Variants in OXR1 observed in about 807,000 individuals in gnomAD.
OXR1 encodes the protein oxidation resistance 1.
Under a neutral mutation model 104.6 loss-of-function variants are expected in OXR1, and 41 were observed. That is an observed-to-expected ratio of 0.39 (90% confidence interval 0.31 to 0.51). OXR1 has a LOEUF of 0.51. OXR1 is among the 20% of genes least tolerant of loss of function. The pLI is 0.77. For missense variants in OXR1, 955 were observed against 1,031.9 expected (o/e 0.93, Z 1.02); for synonymous variants, 348 against 348.4 (o/e 1.00, Z 0.01).
chr8:106,667,410 A>G lies in OXR1; in HGVS notation c.221-11800A>G, dbSNP rs183340942. Among the ~76,000 whole-genome samples, 496 of 152,272 alleles carry G rather than the reference A, an allele frequency of 3.3e-3. 14 individuals carry two copies. The highest frequency in any genetic ancestry group is 5.8e-3 in the East Asian group (30 of 5,190). On this transcript the variant is annotated intron_variant, in intron 3 of 16. Coordinates refer to ENST00000517566, the MANE Select transcript of OXR1 (RefSeq NM_001198533.2). ...TTACAAGTACTTGGGGCATGCACCT[A>G]TTTTATGATGCAAGTTAATAAAAGA...
chr8:106,588,649 A>G (rs555764331), intron 3 of OXR1, among the ~76,000 whole-genome samples: 4 of 151,564 alleles, frequency 2.6e-5, no homozygotes, highest in Non-Finnish European at 4.4e-5. Flanking sequence ...TGCCTGGCTA[A>G]TTTTTGTATT....
At chr8:106,483,776 G>C (rs1319602472) in intron 2 of OXR1, among the ~76,000 whole-genome samples, 1 of 151,982 alleles carries the variant, frequency 6.6e-6, no homozygotes, top group Non-Finnish European at 1.5e-5. Context: ...CAGATTCTGA[G>C]AAATAGTGAT....
intron 3 of OXR1, among the ~76,000 whole-genome samples, chr8:106,586,705 G>T (rs538908197): frequency 6.6e-6 from 1 of 152,264 alleles, no homozygotes; most frequent in East Asian, 1.9e-4. Context: ...AAGTAGACCT[G>T]GAAAAGAGAC....
intron 2 of OXR1, among the ~76,000 whole-genome samples, chr8:106,482,282 C>G (rs1308579380): frequency 1.3e-5 from 2 of 151,886 alleles, no homozygotes; most frequent in African/African-American, 4.8e-5. Context: ...CCCAGATTAT[C>G]TGGCAGAAAA....
chr8:106,304,290 T>C (rs1347862705), intron 1 of OXR1, among the ~76,000 whole-genome samples: 1 of 152,222 alleles, frequency 6.6e-6, no homozygotes, highest in East Asian at 1.9e-4. Flanking sequence ...AATTTGATCA[T>C]TTCTTCTGTC....
At chr8:106,415,871 A>G (rs1440610178) in intron 2 of OXR1, among the ~76,000 whole-genome samples, 1 of 152,124 alleles carries the variant, frequency 6.6e-6, no homozygotes. Flanking sequence ...GATGCATAGC[A>G]TGGCATCTTG....
intron 2 of OXR1, among the ~76,000 whole-genome samples, chr8:106,410,567 A>T (rs1348532739): frequency 6.6e-6 from 1 of 152,170 alleles, no homozygotes; most frequent in African/African-American, 2.4e-5. Flanking sequence ...TTTCAAGGTA[A>T]TTCCTGAAAA....
intron 3 of OXR1, among the ~76,000 whole-genome samples, chr8:106,649,995 CA>C (rs1204709549): frequency 6.6e-6 from 1 of 152,026 alleles, no homozygotes; most frequent in Non-Finnish European, 1.5e-5. Flanking sequence ...CGCACCTGGC[CA>C]AAAATATTTT....
chr8:106,556,160 G>T lies in OXR1; in HGVS notation c.220+37021G>T, dbSNP rs563796218. Among the ~76,000 whole-genome samples the T allele has an allele frequency of 1.3e-4, 20 of 151,976 alleles. No individual in the cohort carries two copies. In the South Asian group the frequency reaches 4.2e-3, roughly 32 times the overall value. On this transcript the variant is annotated intron_variant, in intron 3 of 16. Coordinates refer to ENST00000517566, the MANE Select transcript of OXR1 (RefSeq NM_001198533.2). ...GGGCCTGGGGTAGCCAAAATGAGGA[G>T]CAACTGCTTAATGGATATGATACTT...
chr8:106,300,144 A>G (rs1813168757), intron 1 of OXR1, among the ~76,000 whole-genome samples: 1 of 152,170 alleles, frequency 6.6e-6, no homozygotes, highest in African/African-American at 2.4e-5. Context: ...GAAATTGGAG[A>G]TATTTGAAAC....
chr8:106,632,606 C>T (rs912528228), intron 3 of OXR1, among the ~76,000 whole-genome samples: 1 of 152,098 alleles, frequency 6.6e-6, no homozygotes, highest in African/African-American at 2.4e-5. Context: ...ACTTTATATA[C>T]CTCTTTTTTT....
chr8:106,447,131 A>G (rs1463455645), intron 2 of OXR1, among the ~76,000 whole-genome samples: 1 of 152,206 alleles, frequency 6.6e-6, no homozygotes, highest in Non-Finnish European at 1.5e-5. Context: ...GTGTATCATC[A>G]TACATATCTC....
At chr8:106,642,201 A>G (rs1314943775) in intron 3 of OXR1, among the ~76,000 whole-genome samples, 1 of 152,224 alleles carries the variant, frequency 6.6e-6, no homozygotes, top group Non-Finnish European at 1.5e-5. Context: ...CATCTACTTT[A>G]CATGAATTGA....
chr8:106,683,176 AATTT>A lies in OXR1; in HGVS notation c.304-18_304-15del. On this transcript the variant is annotated intron_variant, in intron 4 of 16. Coordinates refer to ENST00000517566, the MANE Select transcript of OXR1 (RefSeq NM_001198533.2). ...GTTTTTCTGTTTTAAACATTGAAATAATTTATTTTTTCTTTTAAACAGGTTGAAT... is the reference window on the plus strand; with the variant it reads ...GTTTTTCTGTTTTAAACATTGAAATAATTTTTTCTTTTAAACAGGTTGAAT... The A allele has an allele frequency of 8.4e-7, 1 of 1,184,418 alleles. No homozygotes were observed. Among genetic ancestry groups the A allele is most frequent in the African/African-American group, 1.5e-5 (1 of 65,910 alleles). The allele number at this position is 1,184,418 out of a possible 1,614,324, so 73.4% of individuals were successfully genotyped here.
chr8:106,540,889 A>G (rs997641297), intron 3 of OXR1, among the ~76,000 whole-genome samples: 4 of 152,112 alleles, frequency 2.6e-5, no homozygotes, highest in African/African-American at 7.2e-5. Context: ...CCATAATTCA[A>G]TCACCTCCCA....
intron 2 of OXR1, among the ~76,000 whole-genome samples, chr8:106,396,940 T>A (rs1388946184): frequency 6.6e-6 from 1 of 152,152 alleles, no homozygotes; most frequent in Admixed American, 6.6e-5. Flanking sequence ...GCTGTGTATG[T>A]ATAATGACTT....
chr8:106,671,048 A>AAAAACAAAAAC (rs1826911156), intron 3 of OXR1, among the ~76,000 whole-genome samples: 1 of 149,222 alleles, frequency 6.7e-6, no homozygotes, highest in African/African-American at 2.5e-5. Flanking sequence ...CTGTCTCAAA[A>AAAAACAAAAAC]AAAAAAAAAA....
At chr8:106,621,515 G>GT (rs1251623218) in intron 3 of OXR1, among the ~76,000 whole-genome samples, 5 of 141,106 alleles carry the variant, frequency 3.5e-5, no homozygotes, top group Non-Finnish European at 1.5e-5. Flanking sequence ...TTCAATAAGA[G>GT]TAAAAAAAAA....
intron 3 of OXR1, among the ~76,000 whole-genome samples, chr8:106,651,868 ATTAAG>A (rs764695413): frequency 1.5e-4 from 23 of 152,152 alleles, no homozygotes; most frequent in Non-Finnish European, 3.2e-4. Flanking sequence ...TTTTAACAAT[ATTAAG>A]TTTTCTAGTC....
Sources: allele counts gnomAD v4.1 joint callset (sites outside exome capture counted in the v4.1 genomes callset), GRCh38; gene constraint gnomAD v4.1.1; transcripts MANE v1.5; gene names NCBI Gene and HGNC (gene_info 2026-07-23, HGNC 2026-07-21).